The following MICAL3 variants were observed in gnomAD, a reference collection of about 807,000 sequenced individuals.
The protein encoded by MICAL3 is [F-actin]-monooxygenase MICAL3.
Under a neutral mutation model 207.4 loss-of-function variants are expected in MICAL3, and 62 were observed. The ratio of observed to expected loss-of-function variants is 0.30; its 90% confidence interval spans 0.24 to 0.37. The LOEUF is 0.37. MICAL3 is among the 10% of genes least tolerant of loss of function. The pLI is 1.00. For synonymous variants in MICAL3, 1,077 were observed against 1,069.3 expected, an observed-to-expected ratio of 1.01 and a Z score of -0.14; for missense variants, 2,368 against 2,635.6, an observed-to-expected ratio of 0.90 and a Z score of 2.22.
At chr22:17,820,589 C>T (rs1434007250) in intron 25 of MICAL3, among the ~76,000 whole-genome samples, 1 of 152,078 alleles carries the variant, frequency 6.6e-6, no homozygotes, top group Non-Finnish European at 1.5e-5. Flanking sequence ...CTCCTGACCT[C>T]GTGATCTGCC....
In MICAL3 at chr22:17,818,391, T is replaced by C. The variant is rs1324032157; in HGVS notation, c.4270A>G (p.Ser1424Gly). ...CCGTGCAGGCCCAGGCCAGAGCTGC[T>C]GGACAGCTCCCTGCGCTCCTCCTGG... Reference protein sequence around the residue: ...SAQEERRELSSSSGLGLHGSS... With the variant: ...SAQEERRELSGSSGLGLHGSS... Residue 1424 changes from serine (S) to glycine (G), a missense_variant, in exon 26 of 32, where the codon AGC (serine) becomes GGC (glycine). This residue lies in a region of MICAL3 where 1,770 missense variants were observed against 1,863.2 expected (regional missense o/e 0.95). Coordinates refer to ENST00000441493, the MANE Select transcript of MICAL3 (RefSeq NM_015241.3). 5.0e-6 allele frequency: 8 copies of C among 1,610,150 alleles called. No homozygotes were observed. The highest frequency in any genetic ancestry group is 1.3e-5 in the African/African-American group (1 of 74,938).
At chr22:17,963,912 C>A (rs952306315) in intron 1 of MICAL3, among the ~76,000 whole-genome samples, 1 of 152,198 alleles carries the variant, frequency 6.6e-6, no homozygotes, top group South Asian at 2.1e-4. Flanking sequence ...ATTTTAAGGA[C>A]GTGGTCCCTA....
intron 16 of MICAL3, among the ~76,000 whole-genome samples, chr22:17,877,616 C>T (rs946534886): frequency 2.1e-5 from 3 of 144,890 alleles, no homozygotes; most frequent in African/African-American, 7.7e-5. Flanking sequence ...AGGATGGCAG[C>T]AGAGTCCAAG....
At chr22:17,887,693 C>T (rs1453869774) in intron 13 of MICAL3, among the ~76,000 whole-genome samples, 1 of 152,226 alleles carries the variant, frequency 6.6e-6, no homozygotes, top group African/African-American at 2.4e-5. Flanking sequence ...GTTACCAAAA[C>T]CCGCACTTTT....
At chr22:17,847,345 G>C (rs1924737601) in intron 19 of MICAL3, among the ~76,000 whole-genome samples, 1 of 152,202 alleles carries the variant, frequency 6.6e-6, no homozygotes. Flanking sequence ...GTCTGACAAG[G>C]ACTGAAAGAA....
chr22:17,819,154 G>A lies in MICAL3; in HGVS notation c.3532-25C>T, dbSNP rs778044509. ...CCTACAGGGAAGGAAGACAGAAGCC[G>A]CTGAGAAGGTGTGGGCTTTCACGAC... On this transcript the variant is annotated intron_variant, in intron 25 of 31. Coordinates refer to ENST00000441493, the MANE Select transcript of MICAL3 (RefSeq NM_015241.3). The A allele has an allele frequency of 2.8e-5, 40 of 1,444,950 alleles. No individual in the cohort carries two copies. In the South Asian group the frequency reaches 3.6e-4, roughly 13 times the overall value. The allele number at this position is 1,444,950 out of a possible 1,614,324, so 89.5% of individuals were successfully genotyped here.
chr22:17,849,644 ATGTG>A (rs149239378), intron 19 of MICAL3, among the ~76,000 whole-genome samples: 7,352 of 78,864 alleles, frequency 0.093, 462 homozygotes, highest in African/African-American at 0.23. Flanking sequence ...CCAGAATGGA[ATGTG>A]TGTGTGTGTG....
At chr22:17,893,965 C>A in intron 10 of MICAL3, 61 bp from the exon 11 acceptor site, 1 of 1,265,206 alleles carries the variant, frequency 7.9e-7, no homozygotes, top group Non-Finnish European at 1.1e-6. Context: ...CAAATTCCTA[C>A]CTAAGAGCAG....
intron 19 of MICAL3, among the ~76,000 whole-genome samples, chr22:17,846,638 G>A (rs1288418096): frequency 2.0e-5 from 3 of 152,204 alleles, no homozygotes; most frequent in African/African-American, 7.2e-5. Context: ...GCAAGGTGCT[G>A]GATTGCCAAG....
chr22:17,872,093 C>T (rs1927780042), intron 16 of MICAL3, 70 bp from the exon 17 acceptor site: 1 of 1,394,506 alleles, frequency 7.2e-7, no homozygotes, highest in Admixed American at 2.2e-5. Context: ...CCTAGAGGCA[C>T]AGCCTTGCGA....
chr22:17,897,999 A>C (rs1406567520), intron 7 of MICAL3, among the ~76,000 whole-genome samples: 1 of 152,212 alleles, frequency 6.6e-6, no homozygotes, highest in African/African-American at 2.4e-5. Context: ...GTTAAAGCCA[A>C]AACACAAACA....
intron 22 of MICAL3, 78 bp from the exon 23 acceptor site, chr22:17,823,138 TAC>T: frequency 1.0e-6 from 1 of 977,838 alleles, no homozygotes. Flanking sequence ...GGGCGAGAGG[TAC>T]TGCCTTTCTC....
intron 17 of MICAL3, among the ~76,000 whole-genome samples, chr22:17,867,628 C>T (rs1403319052): frequency 1.3e-5 from 2 of 152,356 alleles, no homozygotes; most frequent in East Asian, 3.9e-4. Flanking sequence ...TCACTCCCTC[C>T]ACCCCACCCA....
Position 17,832,011 on chromosome 22 carries a change from G to A in MICAL3, c.2898C>T (p.Ala966=), listed in dbSNP as rs368533602. 1.6e-5 allele frequency: 25 copies of A among 1,605,776 alleles called. No individual in the cohort carries two copies. The Middle Eastern group carries it at 4.9e-4, about 32-fold the overall frequency. ...CTTTCAGAAGGGCATGGATCCGCAC[G>A]GCCTCCTTCCACGGAACACCACCCA... ...SDLGGVPWKE[A]VRIHALLKGK... is the part of the protein sequence containing the mutation. The change falls in exon 21 of 32, where the codon GCC becomes GCT. Residue 966 remains alanine (A), a synonymous_variant. Transcript: ENST00000441493.
At chr22:17,940,505 C>G (rs1013399752) in intron 1 of MICAL3, among the ~76,000 whole-genome samples, 8 of 152,090 alleles carry the variant, frequency 5.3e-5, no homozygotes, top group Non-Finnish European at 1.0e-4. Context: ...TTTATCAAAC[C>G]AAACCCAAAG....
intron 1 of MICAL3, among the ~76,000 whole-genome samples, chr22:17,990,001 A>G (rs904057350): frequency 6.6e-6 from 1 of 152,130 alleles, no homozygotes; most frequent in Non-Finnish European, 1.5e-5. Context: ...GTACACTTTC[A>G]TGAAGCCGCC....
At chr22:17,968,029 G>A (rs1316145468) in intron 1 of MICAL3, among the ~76,000 whole-genome samples, 2 of 148,678 alleles carry the variant, frequency 1.3e-5, no homozygotes, top group Admixed American at 1.3e-4. Flanking sequence ...ATGACAGAGT[G>A]AGACTCCGTC....
chr22:17,872,158 T>C, intron 16 of MICAL3, 135 bp from the exon 17 acceptor site: 5 of 713,802 alleles, frequency 7.0e-6, no homozygotes, highest in South Asian at 1.9e-5. Context: ...TCTAACTGGC[T>C]ACGGTCAACT....
intron 16 of MICAL3, among the ~76,000 whole-genome samples, chr22:17,882,911 G>A (rs1602140523): frequency 6.6e-6 from 1 of 152,132 alleles, no homozygotes; most frequent in East Asian, 1.9e-4. Context: ...CAGGTGACAA[G>A]CTGCGCTGGC....
Sources: gnomAD v4.1 joint callset for allele counts (sites outside exome capture counted in the v4.1 genomes callset) on GRCh38, gnomAD v4.1.1 for gene constraint, gnomAD v4.1.1 regional missense constraint, MANE v1.5 for transcripts, NCBI Gene and HGNC (gene_info 2026-07-23, HGNC 2026-07-21) for gene names.